ACVR2A: variants seen among roughly 807,000 people sequenced by gnomAD.
The protein encoded by ACVR2A is activin A receptor type 2A.
In ACVR2A, 7 loss-of-function variants were observed where a neutral mutation model predicts 61.4. That is an observed-to-expected ratio of 0.11 (90% confidence interval 0.06 to 0.21). The LOEUF (loss-of-function observed/expected upper bound fraction) is 0.21. Ranked by LOEUF, ACVR2A falls within the 10% of genes least tolerant of loss-of-function variation. The pLI is 1.00. For synonymous variants in ACVR2A, 193 were observed against 208.3 expected (o/e 0.93, Z 0.63); for missense variants, 322 against 621.7 (o/e 0.52, Z 5.13).
intron 4 of ACVR2A, among the ~76,000 whole-genome samples, chr2:147,905,746 A>C (rs1686974125): frequency 1.3e-5 from 2 of 151,892 alleles, no homozygotes; most frequent in Admixed American, 1.3e-4. Context: ...GCAGGTTGAC[A>C]AAAAAAATTA....
In ACVR2A at chr2:147,896,615, G is replaced by T. The variant is rs1361153994; in HGVS notation, c.263+107G>T. On this transcript the variant is annotated intron_variant, in intron 2 of 10. Transcript: ENST00000241416. ...ATAAATTTTCACTTAAATGTTTCTT[G>T]CTTTTTAAAAAATGGGATTATAAAG... The T allele has an allele frequency of 9.2e-6, 10 of 1,091,176 alleles. No homozygotes were observed. In the East Asian group the frequency reaches 2.5e-4, roughly 27 times the overall value. 67.6% of individuals were successfully genotyped at this position (1,091,176 alleles called of 1,614,324 possible).
intron 4 of ACVR2A, among the ~76,000 whole-genome samples, chr2:147,907,081 A>G (rs1687005569): frequency 6.6e-6 from 1 of 152,030 alleles, no homozygotes; most frequent in African/African-American, 2.4e-5. Context: ...ATGAGTGAGA[A>G]CATGTGGTGT....
chr2:147,856,633 G>A (rs993892987), intron 1 of ACVR2A, among the ~76,000 whole-genome samples: 1 of 151,924 alleles, frequency 6.6e-6, no homozygotes, highest in African/African-American at 2.4e-5. Flanking sequence ...AATTATATGA[G>A]GAGAAATGAA....
rs771677111 is a variant in ACVR2A at position 147,917,287 on chromosome 2, A to G, written c.677A>G (p.Lys226Arg). 62 of 1,611,472 alleles carry G rather than the reference A, an allele frequency of 3.8e-5. 1 individual carries two copies. The South Asian group carries it at 4.0e-4, about 10-fold the overall frequency. ...VAVKIFPIQDKQSWQNEYEVY... is the reference protein window; with the variant it reads ...VAVKIFPIQDRQSWQNEYEVY... ...ATTCTTTCTTTTTGACTCTAGGACA[A>G]ACAGTCATGGCAAAATGAATACGAA... is the stretch of plus-strand genomic sequence containing the variant. Residue 226 changes from lysine to arginine, a missense_variant, in exon 6 of 11, where the codon AAA becomes AGA. By Grantham distance (26) the Lys-to-Arg change is conservative (BLOSUM62 2). This residue lies in a region of ACVR2A where 146 missense variants were observed against 383.8 expected (regional missense o/e 0.38). Coordinates refer to ENST00000241416, the MANE Select transcript of ACVR2A (RefSeq NM_001616.5).
At chr2:147,897,398 T>C (rs938787718) in intron 2 of ACVR2A, among the ~76,000 whole-genome samples, 5 of 152,204 alleles carry the variant, frequency 3.3e-5, no homozygotes, top group African/African-American at 1.2e-4. Flanking sequence ...CTTTACTCTG[T>C]ACTGGAAGTA....
At chr2:147,871,990 T>C (rs1686032357) in intron 1 of ACVR2A, among the ~76,000 whole-genome samples, 1 of 152,116 alleles carries the variant, frequency 6.6e-6, no homozygotes, top group Non-Finnish European at 1.5e-5. Context: ...TTTTTATTTA[T>C]GAAGATTGCT....
At chr2:147,899,629 G>A (rs1187856580) in intron 3 of ACVR2A, 62 bp downstream of exon 3, 4 of 1,578,184 alleles carry the variant, frequency 2.5e-6, no homozygotes, top group Non-Finnish European at 2.6e-6. Flanking sequence ...AAATATATTT[G>A]TGTTGATGGA....
rs1172432400 is a variant in ACVR2A, at chr2:147,923,087, G to A, written c.1192G>A (p.Ala398Thr). ...YAMGLVLWELASRCTAADGPV... is the reference protein window; with the variant it reads ...YAMGLVLWELTSRCTAADGPV... ...CATGGGATTAGTCCTATGGGAACTG[G>A]CTTCTCGCTGTACTGCTGCAGATGG... Residue 398 changes from alanine (A) to threonine (T), a missense_variant, in exon 9 of 11, where the codon GCT becomes ACT. Coordinates refer to ENST00000241416, the MANE Select transcript of ACVR2A (RefSeq NM_001616.5). The A allele has an allele frequency of 3.7e-6, 6 of 1,612,350 alleles. No homozygotes were observed. The highest frequency in any genetic ancestry group is 5.1e-6 in the Non-Finnish European group (6 of 1,179,276).
At chr2:147,866,158 G>A (rs1409094939) in intron 1 of ACVR2A, among the ~76,000 whole-genome samples, 1 of 152,106 alleles carries the variant, frequency 6.6e-6, no homozygotes, top group Non-Finnish European at 1.5e-5. Context: ...GAAAACAGGG[G>A]AGTTAATAAC....
Position 147,917,416 on chromosome 2 carries a change from T to A in ACVR2A, c.806T>A (p.Phe269Tyr). ...GTGGATCTTTGGCTGATCACAGCAT[T>A]TCATGAAAAGGTAAAACTACTTAAC... The part of the protein sequence containing the change: ...VDVDLWLITA[F>Y]HEKGSLSDFL... The change falls in exon 6 of 11, where the codon TTT becomes TAT. Residue 269 changes from phenylalanine to tyrosine, a missense_variant. Physicochemically the swap from Phe to Tyr is conservative, Grantham distance 22. Coordinates refer to ENST00000241416, the MANE Select transcript of ACVR2A (RefSeq NM_001616.5). The A allele has an allele frequency of 6.2e-7, 1 of 1,611,892 alleles. No individual in the cohort carries two copies. Among genetic ancestry groups the A allele is most frequent in the African/African-American group, 1.3e-5 (1 of 74,872 alleles).
chr2:147,851,405 T>G (rs182617970), intron 1 of ACVR2A, among the ~76,000 whole-genome samples: 61 of 152,238 alleles, frequency 4.0e-4, no homozygotes, highest in African/African-American at 1.4e-3. Flanking sequence ...GGGGGGATAT[T>G]AATAGTGCCT....
intron 10 of ACVR2A, 31 bp downstream of exon 10, chr2:147,926,192 A>G (rs1292930023): frequency 6.3e-7 from 1 of 1,591,360 alleles, no homozygotes; most frequent in South Asian, 1.1e-5. Flanking sequence ...TTCATTTGAA[A>G]TTCCAATAAA....
upstream of ACVR2A, chr2:147,844,608 TGCCGCCC>T (rs757805297): frequency 1.3e-3 from 199 of 152,400 alleles, 1 homozygote; most frequent in Non-Finnish European, 2.1e-3. Flanking sequence ...CCGCCGCCGC[TGCCGCCC>T]GCCGCCCCTT....
At chr2:147,844,890 T>G, upstream of ACVR2A, 2 of 371,344 alleles carry the variant, frequency 5.4e-6, no homozygotes, top group African/African-American at 2.1e-5. Context: ...TGGCTTTTCG[T>G]TGTTTGGTTT....
chr2:147,922,941 T>A (rs1322145990), intron 8 of ACVR2A, 32 bp from the exon 9 acceptor site: 3 of 1,590,486 alleles, frequency 1.9e-6, no homozygotes, highest in African/African-American at 1.4e-5. Flanking sequence ...AGTTAATGAA[T>A]GAGTACTCTT....
chr2:147,885,698 ATACT>A (rs1256374114), intron 1 of ACVR2A, among the ~76,000 whole-genome samples: 3 of 152,140 alleles, frequency 2.0e-5, no homozygotes, highest in Admixed American at 6.5e-5. Flanking sequence ...TCACTTCATG[ATACT>A]TACAGGTCAC....
intron 1 of ACVR2A, among the ~76,000 whole-genome samples, chr2:147,845,906 A>G (rs530786636): frequency 6.6e-6 from 1 of 152,328 alleles, no homozygotes; most frequent in African/African-American, 2.4e-5. Context: ...CCTACGGAAT[A>G]CTTATTTTAA....
chr2:147,890,537 T>G (rs1212742781), intron 1 of ACVR2A, among the ~76,000 whole-genome samples: 3 of 152,188 alleles, frequency 2.0e-5, no homozygotes, highest in African/African-American at 7.2e-5. Flanking sequence ...GGGATTCTGA[T>G]GCACATCATT....
At chr2:147,897,519 T>G (rs1266695261) in intron 2 of ACVR2A, among the ~76,000 whole-genome samples, 1 of 152,126 alleles carries the variant, frequency 6.6e-6, no homozygotes, top group African/African-American at 2.4e-5. Flanking sequence ...TGTGGGTAGG[T>G]GCTGAAGACA....
Sources: allele counts gnomAD v4.1 joint callset (sites outside exome capture counted in the v4.1 genomes callset), GRCh38; gene constraint gnomAD v4.1.1; regional missense constraint gnomAD v4.1.1; transcripts MANE v1.5; gene names NCBI Gene and HGNC (gene_info 2026-07-23, HGNC 2026-07-21).